Variants in ZNF622 observed in about 807,000 individuals in gnomAD.
ZNF622 encodes cytoplasmic 60S subunit biogenesis factor ZNF622.
A neutral mutation model predicts 49.7 loss-of-function variants in ZNF622; 34 were observed. That is an observed-to-expected ratio of 0.68 (90% CI 0.52 to 0.91). ZNF622 has a LOEUF of 0.91. Ranked by LOEUF, ZNF622 falls within the 40% of genes least tolerant of loss-of-function variation. The pLI, the probability that ZNF622 is intolerant of heterozygous loss-of-function variation, is 0.00. For synonymous variants in ZNF622, 209 were observed against 228.7 expected, an observed-to-expected ratio of 0.91 and a Z score of 0.78; for missense variants, 569 against 616.4, an observed-to-expected ratio of 0.92 and a Z score of 0.81.
intron 4 of ZNF622, among the ~76,000 whole-genome samples, chr5:16,456,248 T>C (rs1738021810): frequency 6.6e-6 from 1 of 152,106 alleles, no homozygotes; most frequent in African/African-American, 2.4e-5. Context: ...GCACACACCA[T>C]CACACCAGGC....
Position 16,463,218 on chromosome 5 carries a change from C to G in ZNF622, c.939G>C (p.Lys313Asn), listed in dbSNP as rs1164773847. ...GTACAGCTTCTGTGGAGTAGAAGGA[C>G]TTCCCTTTCTCGTTGCACCACAAGC... Reference protein sequence around the residue: ...KICLWCNEKGKSFYSTEAVQA... With the variant: ...KICLWCNEKGNSFYSTEAVQA... Residue 313 changes from lysine (K) to asparagine (N), a missense_variant, in exon 3 of 6, where the codon AAG becomes AAC. By Grantham distance (94) the Lys-to-Asn change is moderately conservative. Transcript: ENST00000308683. This position sits in a 1 kb window ranked among gnomAD's most constrained non-coding sequence, Gnocchi z 4.2. 4 of 1,612,898 alleles carry G rather than the reference C, an allele frequency of 2.5e-6. No homozygotes were observed. The highest frequency in any genetic ancestry group is 1.3e-5 in the African/African-American group (1 of 74,868).
intron 4 of ZNF622, among the ~76,000 whole-genome samples, chr5:16,455,940 A>C (rs1206404197): frequency 6.6e-6 from 1 of 152,194 alleles, no homozygotes; most frequent in Admixed American, 6.5e-5. Context: ...GGACAGCTAC[A>C]CTTGAAGGCC....
chr5:16,453,521 G>C (rs1407154603), intron 4 of ZNF622, among the ~76,000 whole-genome samples: 1 of 142,392 alleles, frequency 7.0e-6, no homozygotes, highest in Non-Finnish European at 1.5e-5. Flanking sequence ...TAGGAGATAA[G>C]AGATTTTTAG....
intron 3 of ZNF622, among the ~76,000 whole-genome samples, chr5:16,461,297 C>T (rs968567541): frequency 2.0e-5 from 3 of 152,272 alleles, no homozygotes; most frequent in Non-Finnish European, 4.4e-5. Flanking sequence ...GGCCATTATA[C>T]TTTGGCTTTT....
At position 16,463,523 on chromosome 5, in the gene ZNF622, A is replaced by C; in HGVS notation, c.845T>G (p.Ile282Arg). The change falls in exon 2 of 6, where the codon ATA (isoleucine) becomes AGA (arginine). Residue 282 changes from isoleucine to arginine, a missense_variant. By Grantham distance (97) the Ile-to-Arg change is moderately conservative. Coordinates refer to ENST00000308683, the MANE Select transcript of ZNF622 (RefSeq NM_033414.3). This position sits in a 1 kb window ranked among gnomAD's most constrained non-coding sequence, Gnocchi z 4.2. ...TKDHSFFIPDIEYLSDIKGLI... is the reference protein window; with the variant it reads ...TKDHSFFIPDREYLSDIKGLI... Reference sequence around the variant, plus strand: ...TCCCTTAATATCTGAAAGATATTCTATATCAGGAATAAAGAAACTGTGGTC... The same window carrying C: ...TCCCTTAATATCTGAAAGATATTCTCTATCAGGAATAAAGAAACTGTGGTC... The C allele has an allele frequency of 1.2e-6, 2 of 1,612,986 alleles. No homozygotes were observed. Among genetic ancestry groups the C allele is most frequent in the Non-Finnish European group, 1.7e-6 (2 of 1,178,930 alleles).
rs1199640949 is a variant in ZNF622, at chr5:16,465,136, G to C, written c.530C>G (p.Pro177Arg). The change falls in exon 1 of 6, where the codon CCA (proline) becomes CGA (arginine). Residue 177 changes from proline (P) to arginine (R), a missense_variant. Coordinates refer to ENST00000308683, the MANE Select transcript of ZNF622 (RefSeq NM_033414.3). The surrounding 1 kb of genome is among the most constrained non-coding windows in gnomAD (Gnocchi z 6.2). ...CTGTTCAAACCACTGGAGCCGGGGT[G>C]GTTTCTCACTCGGGTCTCGGTCGTG... is the stretch of plus-strand genomic sequence containing the variant. The part of the protein sequence containing the change: ...GTHDRDPSEK[P>R]PRLQWFEQQA... 6.2e-7 allele frequency: 1 copy of C among 1,614,038 alleles called. No homozygotes were observed. Among genetic ancestry groups the C allele is most frequent in the African/African-American group, 1.3e-5 (1 of 74,934 alleles).
chr5:16,458,725 A>G, intron 3 of ZNF622, 96 bp from the exon 4 acceptor site: 1 of 829,752 alleles, frequency 1.2e-6, no homozygotes, highest in Non-Finnish European at 1.9e-6. Flanking sequence ...TTCCTAAGCT[A>G]CCTAAAAGGG....
At chr5:16,452,105 T>C (rs1038285468) in intron 5 of ZNF622, among the ~76,000 whole-genome samples, 2 of 152,124 alleles carry the variant, frequency 1.3e-5, no homozygotes, top group African/African-American at 4.8e-5. Flanking sequence ...AGTCAGACAA[T>C]ACTTCCTGAT....
Position 16,465,697 on chromosome 5 carries a change from A to AAATAAG in ZNF622, c.-33_-32insCTTATT, listed in dbSNP as rs764038959. ...GCGAGAAATAAGAACCGACCAAGCC[A>AAATAAG]AACACCTGGTGATCAGCGCCGTGGC... On this transcript the variant is annotated 5_prime_UTR_variant, in exon 1 of 6. Coordinates refer to ENST00000308683, the MANE Select transcript of ZNF622 (RefSeq NM_033414.3). This position sits in a 1 kb window ranked among gnomAD's most constrained non-coding sequence, Gnocchi z 6.2. The AAATAAG allele has an allele frequency of 7.8e-6, 12 of 1,535,614 alleles. No individual in the cohort carries two copies. The African/African-American group carries it at 1.4e-4, about 18-fold the overall frequency.
Position 16,465,432 on chromosome 5 carries a change from A to G in ZNF622, c.234T>C (p.Ser78=). The change falls in exon 1 of 6, where the codon TCT becomes TCC. Residue 78 remains serine (S), a synonymous_variant. Coordinates refer to ENST00000308683, the MANE Select transcript of ZNF622 (RefSeq NM_033414.3). This position sits in a 1 kb window ranked among gnomAD's most constrained non-coding sequence, Gnocchi z 6.2. The stretch of plus-strand genomic sequence containing the variant: ...TGAGGTGGTTCTCGTAGGCGTTGAA[A>G]GAGGCAAACTTCTTACTGCAAACGG... ...YCTVCSKKFA[S]FNAYENHLKS... is the part of the protein sequence containing the mutation. The G allele has an allele frequency of 6.2e-7, 1 of 1,614,234 alleles. No individual in the cohort carries two copies. The highest frequency in any genetic ancestry group is 1.1e-5 in the South Asian group (1 of 91,088).
At chr5:16,458,397 C>T (rs1201958710) in intron 4 of ZNF622, 120 bp downstream of exon 4, 1 of 710,690 alleles carries the variant, frequency 1.4e-6, no homozygotes, top group East Asian at 2.7e-5. Flanking sequence ...ACATGAGAAC[C>T]CAAACATATA....
rs1461390914 is a variant in ZNF622 at position 16,458,627 on chromosome 5, C to G, written c.1052G>C (p.Ser351Thr). Reference sequence around the variant, plus strand: ...CCCTTCCTTGTGATCTGGATAGCTACTCCTATAACAGAGAAATTGCACTAA... The same window carrying G: ...CCCTTCCTTGTGATCTGGATAGCTAGTCCTATAACAGAGAAATTGCACTAA... ...LEFADFYDFRSSYPDHKEGED... is the reference protein window; with the variant it reads ...LEFADFYDFRTSYPDHKEGED... The change falls in exon 4 of 6, where the codon AGT (serine) becomes ACT (threonine). Residue 351 changes from serine to threonine, a missense_variant and splice_region_variant. By Grantham distance (58) the Ser-to-Thr change is moderately conservative (BLOSUM62 1). Coordinates refer to ENST00000308683, the MANE Select transcript of ZNF622 (RefSeq NM_033414.3). The G allele has an allele frequency of 1.3e-6, 2 of 1,597,974 alleles. No homozygotes were observed. The highest frequency in any genetic ancestry group is 1.7e-6 in the Non-Finnish European group (2 of 1,170,628).
chr5:16,458,689 T>A (rs1388419265), intron 3 of ZNF622, 60 bp from the exon 4 acceptor site: 2 of 1,272,860 alleles, frequency 1.6e-6, no homozygotes, highest in Non-Finnish European at 2.2e-6. Flanking sequence ...CTAAAAGACA[T>A]AAACTCATTT....
At chr5:16,462,860 T>C (rs1176340773) in intron 3 of ZNF622, among the ~76,000 whole-genome samples, 1 of 152,186 alleles carries the variant, frequency 6.6e-6, no homozygotes, top group Non-Finnish European at 1.5e-5. Flanking sequence ...CTTGATGTTT[T>C]AACCAGAACA....
chr5:16,461,899 G>A (rs1738126546), intron 3 of ZNF622, among the ~76,000 whole-genome samples: 1 of 152,350 alleles, frequency 6.6e-6, no homozygotes, highest in Non-Finnish European at 1.5e-5. Context: ...CACAGGATGA[G>A]AGACTGAGTG....
In ZNF622 at chr5:16,465,599, A is replaced by G. The variant is rs1256026285; in HGVS notation, c.67T>C (p.Tyr23His). The change falls in exon 1 of 6, where the codon TAT becomes CAT. Residue 23 changes from tyrosine to histidine, a missense_variant. By Grantham distance (83) the Tyr-to-His change is moderately conservative. Coordinates refer to ENST00000308683, the MANE Select transcript of ZNF622 (RefSeq NM_033414.3). This position sits in a 1 kb window ranked among gnomAD's most constrained non-coding sequence, Gnocchi z 6.2. The part of the protein sequence containing the change: ...FRDADMQRAH[Y>H]KTDWHRYNLR... ...TTGTAGCGGTGCCAGTCCGTCTTAT[A>G]GTGGGCCCGCTGCATGTCCGCGTCG... The G allele has an allele frequency of 6.2e-7, 1 of 1,610,062 alleles. No individual in the cohort carries two copies. The highest frequency in any genetic ancestry group is 1.7e-5 in the Admixed American group (1 of 59,702).
At chr5:16,453,976 G>T (rs955686739) in intron 4 of ZNF622, among the ~76,000 whole-genome samples, 6 of 152,048 alleles carry the variant, frequency 3.9e-5, no homozygotes, top group Non-Finnish European at 1.5e-5. Flanking sequence ...TTTAAAAGGT[G>T]ATTAAGTTGA....
chr5:16,463,210 TAGA>T lies in ZNF622; in HGVS notation c.944_946del (p.Phe315del). 3 of 1,613,572 alleles carry T rather than the reference TAGA, an allele frequency of 1.9e-6. No homozygotes were observed. The highest frequency in any genetic ancestry group is 1.1e-5 in the South Asian group (1 of 90,776). Reference sequence around the variant, plus strand: ...ATGTGCCTGTACAGCTTCTGTGGAGTAGAAGGACTTCCCTTTCTCGTTGCACCA... The same window carrying T: ...ATGTGCCTGTACAGCTTCTGTGGAGTAGGACTTCCCTTTCTCGTTGCACCA... On this transcript the variant is annotated inframe_deletion, in exon 3 of 6. Coordinates refer to ENST00000308683, the MANE Select transcript of ZNF622 (RefSeq NM_033414.3). The surrounding 1 kb of genome is among the most constrained non-coding windows in gnomAD (Gnocchi z 4.2).
chr5:16,455,732 C>T (rs1156380778), intron 4 of ZNF622, among the ~76,000 whole-genome samples: 1 of 152,188 alleles, frequency 6.6e-6, no homozygotes, highest in Non-Finnish European at 1.5e-5. Context: ...ATTCAATATA[C>T]TTATATTCTT....
Sources: gnomAD v4.1 joint callset for allele counts (sites outside exome capture counted in the v4.1 genomes callset) on GRCh38, gnomAD v4.1.1 for gene constraint, Gnocchi (gnomAD v3.1) non-coding constraint, MANE v1.5 for transcripts, NCBI Gene and HGNC (gene_info 2026-07-23, HGNC 2026-07-21) for gene names.